KCNQ1: variants seen among roughly 807,000 people sequenced by gnomAD.
KCNQ1 encodes the protein potassium voltage-gated channel subfamily KQT member 1.
In KCNQ1, 49 loss-of-function variants were observed where a neutral mutation model predicts 72.4. That is an observed-to-expected ratio of 0.68 (90% CI 0.54 to 0.86). KCNQ1 has a LOEUF of 0.86. Ranked by LOEUF, KCNQ1 falls within the 40% of genes least tolerant of loss-of-function variation. KCNQ1 has a pLI of 0.00. For missense variants in KCNQ1, 790 were observed against 945.1 expected, an observed-to-expected ratio of 0.84 and a Z score of 2.15; for synonymous variants, 450 against 412.6, an observed-to-expected ratio of 1.09 and a Z score of -1.10.
chr11:2,653,933 T>G lies in KCNQ1; in HGVS notation c.1394-8028T>G, dbSNP rs1193879338. 2 of 398,624 alleles carry G rather than the reference T, an allele frequency of 5.0e-6. No individual in the cohort carries two copies. The highest frequency in any genetic ancestry group is 8.8e-6 in the Non-Finnish European group (2 of 226,138). 24.7% of individuals were successfully genotyped at this position (398,624 alleles called of 1,614,324 possible). On this transcript the variant is annotated intron_variant, in intron 10 of 15. Transcript: ENST00000155840. This position sits in a 1 kb window ranked among gnomAD's most constrained non-coding sequence, Gnocchi z 5.3. The stretch of plus-strand genomic sequence containing the variant: ...GCTGTTCCCAGAAGCCAGGCCTGGC[T>G]GCTGGCAGGCAAAAACAACAGGTGT...
intron 11 of KCNQ1, chr11:2,685,024 T>G (rs1850459857): frequency 2.5e-6 from 1 of 398,532 alleles, no homozygotes; most frequent in Admixed American, 4.4e-5. Context: ...CATCCCTGTC[T>G]CATGGGTGAG....
chr11:2,632,131 C>T (rs1005376731), intron 10 of KCNQ1: 10 of 386,150 alleles, frequency 2.6e-5, no homozygotes, highest in Non-Finnish European at 4.0e-5. Context: ...TGCAGTGAGC[C>T]GAGATCGCGC....
At position 2,472,137 on chromosome 11, in the gene KCNQ1, GGT is replaced by G. The variant is rs528285101; in HGVS notation, c.386+26662_386+26663del. 9.1e-4 allele frequency among the ~76,000 whole-genome samples: 136 copies of G among 149,216 alleles called. No individual in the cohort carries two copies. The East Asian group carries it at 0.02, about 22-fold the overall frequency. ...ATAAGTGTATGTGCACATGCGTATA[GGT>G]GTGTGTGTTTTATGTATGGGTGTGT... is the stretch of plus-strand genomic sequence containing the variant. On this transcript the variant is annotated intron_variant, in intron 1 of 15. Transcript: ENST00000155840.
chr11:2,823,330 A>G (rs77239547), intron 15 of KCNQ1, among the ~76,000 whole-genome samples: 9 of 152,218 alleles, frequency 5.9e-5, no homozygotes, highest in Non-Finnish European at 1.5e-5. Flanking sequence ...AGTATCTATC[A>G]AGGGTGAGGA....
At chr11:2,578,457 C>G (rs1848453207) in intron 6 of KCNQ1, among the ~76,000 whole-genome samples, 1 of 152,236 alleles carries the variant, frequency 6.6e-6, no homozygotes, top group Admixed American at 6.5e-5. Context: ...GGACACCTGC[C>G]TGGACCTCTG....
rs998095400 is a variant in KCNQ1, at chr11:2,562,569, G to A, written c.478-8059G>A. 6.6e-6 allele frequency among the ~76,000 whole-genome samples: 1 copy of A among 152,198 alleles called. No individual in the cohort carries two copies. The highest frequency in any genetic ancestry group is 2.1e-4 in the South Asian group (1 of 4,832). The stretch of plus-strand genomic sequence containing the variant: ...GCCCTCTGGCTTCCTCGCTATGGGA[G>A]GGGGTGAGACCCTAATCCCGGGTCC... On this transcript the variant is annotated intron_variant, in intron 2 of 15. Coordinates refer to ENST00000155840, the MANE Select transcript of KCNQ1 (RefSeq NM_000218.3). This position sits in a 1 kb window ranked among gnomAD's most constrained non-coding sequence, Gnocchi z 7.5.
rs1369235086 is a variant in KCNQ1, at chr11:2,682,155, T to TA, written c.1514+20077dup. 6 of 398,468 alleles carry TA rather than the reference T, an allele frequency of 1.5e-5. No homozygotes were observed. The highest frequency in any genetic ancestry group is 2.2e-5 in the Non-Finnish European group (5 of 226,092). The allele number at this position is 398,468 out of a possible 1,614,324, so 24.7% of individuals were successfully genotyped here. Reference sequence around the variant, plus strand: ...AGCTCATCAAATATTCTTTCAGTATTAAACATATCAAGCTCTCTCCTGACC... The same window carrying TA: ...AGCTCATCAAATATTCTTTCAGTATTAAAACATATCAAGCTCTCTCCTGACC... On this transcript the variant is annotated intron_variant, in intron 11 of 15. Transcript: ENST00000155840. This position sits in a 1 kb window ranked among gnomAD's most constrained non-coding sequence, Gnocchi z 5.8.
intron 15 of KCNQ1, chr11:2,840,122 CAT>C (rs1848174715): frequency 1.4e-5 from 1 of 73,250 alleles, no homozygotes; most frequent in Admixed American, 1.1e-4. Context: ...CTACCAATAA[CAT>C]AAACAATCAA....
chr11:2,667,147 C>G (rs1850089642), intron 11 of KCNQ1: 1 of 398,564 alleles, frequency 2.5e-6, no homozygotes, highest in South Asian at 1.3e-4. Context: ...GATTGGGAAT[C>G]AGATGCCCTC....
At chr11:2,801,444 C>T (rs1027799710) in intron 15 of KCNQ1, among the ~76,000 whole-genome samples, 8 of 152,166 alleles carry the variant, frequency 5.3e-5, no homozygotes, top group African/African-American at 1.7e-4. Flanking sequence ...GCTGGAAGTC[C>T]GAGAGCAAGG....
At chr11:2,569,390 T>G (rs1848292805) in intron 2 of KCNQ1, among the ~76,000 whole-genome samples, 1 of 152,176 alleles carries the variant, frequency 6.6e-6, no homozygotes, top group African/African-American at 2.4e-5. Context: ...TCCTAATTAA[T>G]AACATTTGGG....
intron 6 of KCNQ1, among the ~76,000 whole-genome samples, chr11:2,573,354 C>G (rs536811193): frequency 6.6e-6 from 1 of 152,294 alleles, no homozygotes; most frequent in African/African-American, 2.4e-5. Flanking sequence ...TGGCCCTCAC[C>G]CTGGCAGGGC....
At chr11:2,701,741 C>A (rs1450854926) in intron 11 of KCNQ1, among the ~76,000 whole-genome samples, 1 of 152,210 alleles carries the variant, frequency 6.6e-6, no homozygotes, top group Non-Finnish European at 1.5e-5. Flanking sequence ...CAGCCTCTCT[C>A]TTGACATCCA....
At chr11:2,699,681 A>AGAACCCCCGGGGAGACCCGCGCCGAC (rs1186679424) in intron 11 of KCNQ1, 1 of 341,836 alleles carries the variant, frequency 2.9e-6, no homozygotes, top group Non-Finnish European at 5.1e-6. Context: ...ACCGCGCCGA[A>AGAACCCCCGGGGAGACCCGCGCCGAC]AAGCCCCGGG....
At chr11:2,466,048 G>C (rs2133589298) in intron 1 of KCNQ1, among the ~76,000 whole-genome samples, 1 of 152,348 alleles carries the variant, frequency 6.6e-6, no homozygotes, top group African/African-American at 2.4e-5. Flanking sequence ...TGGCTATGGG[G>C]GCATTGCTTC....
rs1390421809 is a variant in KCNQ1 at position 2,559,206 on chromosome 11, A to G, written c.478-11422A>G. On this transcript the variant is annotated intron_variant, in intron 2 of 15. Transcript: ENST00000155840. The surrounding 1 kb of genome is among the most constrained non-coding windows in gnomAD (Gnocchi z 4.9). ...AAAGCCTACCAGGCAGTCTTCCCAG[A>G]GGTGCTTCCCGGGAAGCCCGTGGAG... Among the ~76,000 whole-genome samples the G allele has an allele frequency of 6.6e-6, 1 of 151,992 alleles. No individual in the cohort carries two copies. Among genetic ancestry groups the G allele is most frequent in the Non-Finnish European group, 1.5e-5 (1 of 67,998 alleles).
intron 11 of KCNQ1, among the ~76,000 whole-genome samples, chr11:2,738,325 C>T (rs927952996): frequency 2.6e-5 from 4 of 151,502 alleles, no homozygotes; most frequent in Admixed American, 6.6e-5. Flanking sequence ...ATCATGAAGC[C>T]GGGAGATCAA....
rs1313434664 is a variant in KCNQ1, at chr11:2,752,794, C to T, written c.1515-16050C>T. On this transcript the variant is annotated intron_variant, in intron 11 of 15. Coordinates refer to ENST00000155840, the MANE Select transcript of KCNQ1 (RefSeq NM_000218.3). This position sits in a 1 kb window ranked among gnomAD's most constrained non-coding sequence, Gnocchi z 5.2. ...GAAGACACACACATTCAGACTACAG[C>T]ACCTTGCTCCTGGGGAAACAGAGGA... Among the ~76,000 whole-genome samples the T allele has an allele frequency of 6.6e-6, 1 of 152,196 alleles. No individual in the cohort carries two copies. The highest frequency in any genetic ancestry group is 1.5e-5 in the Non-Finnish European group (1 of 68,032).
rs557036572 is a variant in KCNQ1 at position 2,769,898 on chromosome 11, C to T, written c.1590+979C>T. Reference sequence around the variant, plus strand: ...CCCAGGAAGGCTCAGCAATGTCCGCCGACCACCAGGACCCACAGTCGGTGG... The same window carrying T: ...CCCAGGAAGGCTCAGCAATGTCCGCTGACCACCAGGACCCACAGTCGGTGG... On this transcript the variant is annotated intron_variant, in intron 12 of 15. Transcript: ENST00000155840. This position sits in a 1 kb window ranked among gnomAD's most constrained non-coding sequence, Gnocchi z 4.6. Among the ~76,000 whole-genome samples the T allele has an allele frequency of 5.3e-5, 8 of 152,228 alleles. No homozygotes were observed. The highest frequency in any genetic ancestry group is 4.1e-4 in the South Asian group (2 of 4,820).
Sources: allele counts gnomAD v4.1 joint callset (sites outside exome capture counted in the v4.1 genomes callset), GRCh38; gene constraint gnomAD v4.1.1; non-coding constraint Gnocchi (gnomAD v3.1); transcripts MANE v1.5; gene names NCBI Gene and HGNC (gene_info 2026-07-23, HGNC 2026-07-21).